Variants in ANK2 observed in about 807,000 individuals in gnomAD.
ANK2 encodes the protein ankyrin 2, also known as ankyrin-2.
In ANK2, 83 loss-of-function variants were observed where a neutral mutation model predicts 360.5. The ratio of observed to expected loss-of-function variants is 0.23; its 90% CI spans 0.19 to 0.28. ANK2 has a LOEUF of 0.28. ANK2 is among the 10% of genes least tolerant of loss of function. The pLI is 1.00. For missense variants in ANK2, 4,201 were observed against 4,795.7 expected (o/e 0.88, Z 3.66); for synonymous variants, 1,740 against 1,759.5 (o/e 0.99, Z 0.28).
chr4:113,159,086 G>A lies in ANK2; in HGVS notation c.85-15330G>A, dbSNP rs1168114818. Among the ~76,000 whole-genome samples the A allele has an allele frequency of 3.3e-5, 5 of 151,840 alleles. 1 individual carries two copies. The highest frequency in any genetic ancestry group is 4.8e-5 in the African/African-American group (2 of 41,332). On this transcript the variant is annotated intron_variant, in intron 1 of 45. Transcript: ENST00000357077. The stretch of plus-strand genomic sequence containing the variant: ...TATTTTAGGCACTGAATTAGGTTTT[G>A]GGTATTCTAAGAATTATAAGGCATG...
chr4:113,034,503 A>G (rs2061142399), intron 2 of ANK2: 1 of 151,972 alleles, frequency 6.6e-6, no homozygotes, highest in African/African-American at 2.4e-5. Flanking sequence ...GTGGGAACAC[A>G]TTTTTCAGTG....
At chr4:113,202,914 A>G (rs2098855887) in intron 4 of ANK2, among the ~76,000 whole-genome samples, 1 of 152,184 alleles carries the variant, frequency 6.6e-6, no homozygotes, top group African/African-American at 2.4e-5. Flanking sequence ...TCTTTGTTCA[A>G]CAGTGGTATC....
At chr4:113,062,513 G>A (rs1473572777) in intron 1 of ANK2, among the ~76,000 whole-genome samples, 1 of 151,890 alleles carries the variant, frequency 6.6e-6, no homozygotes, top group Non-Finnish European at 1.5e-5. Flanking sequence ...CTCTTTTATA[G>A]TATATTCATA....
chr4:113,301,734 T>A (rs1414707312), intron 22 of ANK2, among the ~76,000 whole-genome samples: 3 of 152,200 alleles, frequency 2.0e-5, no homozygotes, highest in African/African-American at 7.2e-5. Flanking sequence ...ATGCAGTATT[T>A]GTCTCTATGT....
Position 113,240,531 on chromosome 4 carries a change from A to G in ANK2, c.740A>G (p.Asn247Ser). 1.9e-6 allele frequency: 3 copies of G among 1,614,068 alleles called. No individual in the cohort carries two copies. The highest frequency in any genetic ancestry group is 1.7e-6 in the Non-Finnish European group (2 of 1,179,944). ...LHIAAHYGNV[N>S]VATLLLNRGA... ...ATAGCTGCACATTACGGAAATGTCA[A>G]CGTGGCAACTCTTCTTCTAAACCGG... Residue 247 changes from asparagine (N) to serine (S), a missense_variant, in exon 8 of 46, where the codon AAC (asparagine) becomes AGC (serine). Physicochemically the swap from Asn to Ser is conservative, Grantham distance 46. Around this residue, in one of 4 missense-constraint regions of ANK2, gnomAD observed 122 missense variants for 239.3 expected, o/e 0.51. Coordinates refer to ENST00000357077, the MANE Select transcript of ANK2 (RefSeq NM_001148.6).
chr4:112,810,590 C>T, the ANK2 span, among the ~76,000 whole-genome samples: 2 of 152,140 alleles, frequency 1.3e-5, no homozygotes, highest in Admixed American at 6.5e-5. Context: ...CTCACTTTGT[C>T]ACCCAGGCTG....
the ANK2 span, among the ~76,000 whole-genome samples, chr4:112,802,658 A>C: frequency 6.6e-6 from 1 of 152,310 alleles, no homozygotes; most frequent in East Asian, 1.9e-4. Flanking sequence ...TAAAATTATT[A>C]AGTAAATAAT....
chr4:113,361,013 A>G (rs2096184091), intron 39 of ANK2, 116 bp downstream of exon 39: 11 of 970,480 alleles, frequency 1.1e-5, no homozygotes, highest in Non-Finnish European at 1.8e-5. Context: ...CATGAAAAGA[A>G]GAATAAACTA....
intron 26 of ANK2, chr4:113,323,775 CT>C: frequency 6.2e-7 from 1 of 1,611,908 alleles, no homozygotes; most frequent in Non-Finnish European, 8.5e-7. Flanking sequence ...CTCTCCATGT[CT>C]TGAACGTGAC....
chr4:113,095,546 T>C lies in ANK2; in HGVS notation c.84+45734T>C, dbSNP rs78199453. On this transcript the variant is annotated intron_variant, in intron 1 of 45. Transcript: ENST00000357077. ...TGAACTGCTATGTTCTGGCATGTCC[T>C]ATCTCTTTATTCTTTCTTTCTATTA... Among the ~76,000 whole-genome samples the C allele has an allele frequency of 8.6e-3, 1,308 of 152,328 alleles. 41 individuals are homozygous for C. The East Asian group carries it at 0.1, about 12-fold the overall frequency.
chr4:113,362,241 T>C (rs1201444107), intron 39 of ANK2, among the ~76,000 whole-genome samples: 4 of 152,142 alleles, frequency 2.6e-5, no homozygotes, highest in African/African-American at 9.7e-5. Flanking sequence ...TTCTTGTGCA[T>C]TGGTATATTT....
At chr4:113,260,091 A>G (rs978213970) in intron 13 of ANK2, among the ~76,000 whole-genome samples, 1 of 152,108 alleles carries the variant, frequency 6.6e-6, no homozygotes, top group Non-Finnish European at 1.5e-5. Flanking sequence ...CTTGATTGCA[A>G]TCCCCTGAAT....
the ANK2 span, among the ~76,000 whole-genome samples, chr4:112,786,039 G>T: frequency 6.6e-6 from 1 of 151,612 alleles, no homozygotes; most frequent in African/African-American, 2.4e-5. Context: ...ACGGGGTTTT[G>T]CCACGTTGGC....
chr4:112,856,926 A>G (rs115510898), intron 1 of ANK2, among the ~76,000 whole-genome samples: 1 of 152,314 alleles, frequency 6.6e-6, no homozygotes, highest in African/African-American at 2.4e-5. Flanking sequence ...TTGGAAAATT[A>G]CTGAGGAGAC....
At chr4:112,738,412 CAAA>C in the ANK2 span, among the ~76,000 whole-genome samples, 2 of 51,000 alleles carry the variant, frequency 3.9e-5, no homozygotes, top group Admixed American at 2.1e-4. Flanking sequence ...GAGTCTGTCT[CAAA>C]AAAAAAAAAA....
At position 113,303,891 on chromosome 4, in the gene ANK2, G is replaced by A. The variant is rs2076083833; in HGVS notation, c.2548+1052G>A. On this transcript the variant is annotated intron_variant, in intron 23 of 45. Transcript: ENST00000357077. ...TGCTTTTATACAGAGAAATATTAAAGATGTTTCTTTAGGTTCTTTAAGATA... is the reference window on the plus strand; with the variant it reads ...TGCTTTTATACAGAGAAATATTAAAAATGTTTCTTTAGGTTCTTTAAGATA... Among the ~76,000 whole-genome samples, 3 of 152,154 alleles carry A rather than the reference G, an allele frequency of 2.0e-5. No individual in the cohort carries two copies. The South Asian group carries it at 6.2e-4, about 31-fold the overall frequency.
chr4:112,773,332 A>C, the ANK2 span, among the ~76,000 whole-genome samples: 1 of 152,208 alleles, frequency 6.6e-6, no homozygotes, highest in African/African-American at 2.4e-5. Context: ...TAGTTTAAAA[A>C]ACACAGAAAA....
At chr4:113,098,115 A>G (rs577441431) in intron 1 of ANK2, among the ~76,000 whole-genome samples, 1 of 151,720 alleles carries the variant, frequency 6.6e-6, no homozygotes, top group South Asian at 2.1e-4. Flanking sequence ...AAAAGAAAAA[A>G]GATTAAAATC....
chr4:112,730,881 T>C, the ANK2 span, among the ~76,000 whole-genome samples: 1 of 149,572 alleles, frequency 6.7e-6, no homozygotes, highest in East Asian at 2.0e-4. Flanking sequence ...TGGCTACGCC[T>C]GTAGTCCCAG....
Sources: allele counts gnomAD v4.1 joint callset (sites outside exome capture counted in the v4.1 genomes callset), GRCh38; gene constraint gnomAD v4.1.1; regional missense constraint gnomAD v4.1.1; transcripts MANE v1.5; gene names NCBI Gene and HGNC (gene_info 2026-07-23, HGNC 2026-07-21).